The following NHSL1 variants were observed in gnomAD, a reference collection of about 807,000 sequenced individuals.
NHSL1 encodes the protein NHS like 1.
NHSL1 carries 48 observed loss-of-function variants against 95.0 expected under a neutral mutation model. The observed-to-expected ratio is 0.51, with a 90% confidence interval of 0.40 to 0.64. The LOEUF is 0.64. Among genes scored for constraint, NHSL1 ranks in the 30% least tolerant of loss-of-function variants. The pLI is 0.00. For missense variants in NHSL1, 1,971 were observed against 2,077.7 expected (o/e 0.95, Z 1.00); for synonymous variants, 783 against 833.9 (o/e 0.94, Z 1.05).
At chr6:138,589,178 A>G (rs1477027662) in intron 1 of NHSL1, among the ~76,000 whole-genome samples, 2 of 152,240 alleles carry the variant, frequency 1.3e-5, no homozygotes, top group Non-Finnish European at 2.9e-5. Flanking sequence ...AGTATCCATT[A>G]GCTTCAACAA....
In NHSL1 at chr6:138,538,771, A is replaced by G. The variant is rs150713519; in HGVS notation, c.16+6852T>C. On this transcript the variant is annotated intron_variant, in intron 1 of 4. Transcript: ENST00000342260. ...TGCAAAATTTCACAAGTACAAACATATGTTATCATCTGACCTTTTGAAAAC... is the reference window on the plus strand; with the variant it reads ...TGCAAAATTTCACAAGTACAAACATGTGTTATCATCTGACCTTTTGAAAAC... Among the ~76,000 whole-genome samples, 883 of 152,346 alleles carry G rather than the reference A, an allele frequency of 5.8e-3. 22 individuals are homozygous for G. The highest frequency in any genetic ancestry group is 0.048 in the Admixed American group (740 of 15,302).
rs142148017 is a variant in NHSL1, at chr6:138,479,409, G to C, written c.212-5976C>G. 4.0e-3 allele frequency among the ~76,000 whole-genome samples: 615 copies of C among 152,210 alleles called. 3 individuals carry two copies. Among genetic ancestry groups the C allele is most frequent in the Middle Eastern group, 0.01 (3 of 294 alleles). On this transcript the variant is annotated intron_variant, in intron 2 of 7. Transcript: ENST00000343505. Reference sequence around the variant, plus strand: ...TTGGGGCCATTATTAAGTAAAATAAGGGTGACTTGAATACAAGCACTGAGA... The same window carrying C: ...TTGGGGCCATTATTAAGTAAAATAACGGTGACTTGAATACAAGCACTGAGA...
At chr6:138,540,328 T>A (rs965097175) in intron 1 of NHSL1, among the ~76,000 whole-genome samples, 1 of 152,212 alleles carries the variant, frequency 6.6e-6, no homozygotes, top group African/African-American at 2.4e-5. Flanking sequence ...GCATTTTGAT[T>A]TTTAAAAGTC....
At chr6:138,664,782 T>A (rs534361721) in intron 1 of NHSL1, among the ~76,000 whole-genome samples, 51 of 152,378 alleles carry the variant, frequency 3.3e-4, no homozygotes, top group Admixed American at 8.5e-4. Context: ...CTGGCTAATC[T>A]GAAATCTGCA....
chr6:138,447,251 A>T, intron 3 of NHSL1, 58 bp from the exon 4 acceptor site: 1 of 1,366,708 alleles, frequency 7.3e-7, no homozygotes, highest in East Asian at 2.5e-5. Context: ...GAAACATTTT[A>T]AAATATATTT....
At chr6:138,567,954 C>A (rs1274648949) in intron 1 of NHSL1, among the ~76,000 whole-genome samples, 1 of 152,108 alleles carries the variant, frequency 6.6e-6, no homozygotes, top group African/African-American at 2.4e-5. Context: ...GCTGGGGATA[C>A]AACAAAACAA....
At chr6:138,603,263 T>A (rs2114568657) in intron 1 of NHSL1, among the ~76,000 whole-genome samples, 1 of 152,302 alleles carries the variant, frequency 6.6e-6, no homozygotes, top group Middle Eastern at 3.4e-3. Flanking sequence ...TTGCCCAGGC[T>A]GGTCTTGAAC....
chr6:138,687,627 T>C (rs1785603369), intron 1 of NHSL1, among the ~76,000 whole-genome samples: 1 of 152,172 alleles, frequency 6.6e-6, no homozygotes, highest in Non-Finnish European at 1.5e-5. Context: ...TCTCACAAGG[T>C]TTTTCATCAA....
intron 1 of NHSL1, among the ~76,000 whole-genome samples, chr6:138,649,676 G>A (rs1012420895): frequency 2.6e-5 from 4 of 152,292 alleles, no homozygotes; most frequent in South Asian, 2.1e-4. Flanking sequence ...TCAGAGGAAG[G>A]TGCTGCCCTC....
intron 1 of NHSL1, among the ~76,000 whole-genome samples, chr6:138,679,903 C>T (rs1785491935): frequency 2.6e-5 from 4 of 152,068 alleles, no homozygotes; most frequent in South Asian, 4.2e-4. Flanking sequence ...CTATTGATTA[C>T]TATAATTAAA....
Position 138,422,639 on chromosome 6 carries a change from TA to T in NHSL1, c.*1441del. On this transcript the variant is annotated 3_prime_UTR_variant, in exon 8 of 8. Transcript: ENST00000343505. Reference sequence around the variant, plus strand: ...TCTAAGTACATGGAAGTTAAGGGAGTAAGGGTGGGGGTAATGAGATTATTAC... The same window carrying T: ...TCTAAGTACATGGAAGTTAAGGGAGTAGGGTGGGGGTAATGAGATTATTAC... The T allele has an allele frequency of 6.6e-6, 1 of 151,898 alleles. No homozygotes were observed. The highest frequency in any genetic ancestry group is 1.9e-4 in the East Asian group (1 of 5,202). 9.4% of individuals were successfully genotyped at this position (151,898 alleles called of 1,614,324 possible).
chr6:138,455,386 G>A (rs994056683), intron 3 of NHSL1, among the ~76,000 whole-genome samples: 6 of 152,196 alleles, frequency 3.9e-5, no homozygotes, highest in African/African-American at 1.4e-4. Flanking sequence ...TGGGCATAAT[G>A]AGGAGGAATT....
At chr6:138,546,907 A>G (rs1782821191), upstream of NHSL1, among the ~76,000 whole-genome samples, 1 of 152,220 alleles carries the variant, frequency 6.6e-6, no homozygotes, top group Admixed American at 6.5e-5. Context: ...AACAGTCCAC[A>G]AATACTGCCT....
intron 1 of NHSL1, among the ~76,000 whole-genome samples, chr6:138,661,744 T>TA (rs1785230007): frequency 6.6e-6 from 1 of 152,096 alleles, no homozygotes; most frequent in African/African-American, 2.4e-5. Flanking sequence ...TAGAATGAAG[T>TA]AAATCTAAGC....
intron 1 of NHSL1, among the ~76,000 whole-genome samples, chr6:138,655,471 G>A (rs1221715846): frequency 6.6e-6 from 1 of 152,072 alleles, no homozygotes; most frequent in Non-Finnish European, 1.5e-5. Context: ...ATTCTCCCTA[G>A]AAAAGTAGCT....
At chr6:138,668,625 T>TC (rs1554259417) in intron 1 of NHSL1, among the ~76,000 whole-genome samples, 1 of 148,718 alleles carries the variant, frequency 6.7e-6, no homozygotes, top group East Asian at 1.9e-4. Flanking sequence ...AATTTTTTTT[T>TC]CTTTTTTTTT....
At chr6:138,683,366 C>A (rs1228882203) in intron 1 of NHSL1, among the ~76,000 whole-genome samples, 1 of 152,188 alleles carries the variant, frequency 6.6e-6, no homozygotes, top group Non-Finnish European at 1.5e-5. Flanking sequence ...CCATCTGTGG[C>A]GATACAGGGA....
At chr6:138,623,189 G>C (rs1223522579) in intron 1 of NHSL1, among the ~76,000 whole-genome samples, 2 of 152,170 alleles carry the variant, frequency 1.3e-5, no homozygotes, top group Non-Finnish European at 2.9e-5. Context: ...GGCCAGTTTA[G>C]ATGCCCTTAC....
chr6:138,687,445 T>C (rs1365644402), intron 1 of NHSL1, among the ~76,000 whole-genome samples: 1 of 152,122 alleles, frequency 6.6e-6, no homozygotes, highest in Non-Finnish European at 1.5e-5. Flanking sequence ...TGAGAATGCA[T>C]CTCAACACCT....
Sources: allele counts gnomAD v4.1 joint callset (sites outside exome capture counted in the v4.1 genomes callset), GRCh38; gene constraint gnomAD v4.1.1; transcripts MANE v1.5; gene names NCBI Gene and HGNC (gene_info 2026-07-23, HGNC 2026-07-21).